Variants in ANKRD11 observed in about 807,000 individuals in gnomAD.
ANKRD11 encodes ankyrin repeat domain-containing protein 11.
Under a neutral mutation model 195.7 loss-of-function variants are expected in ANKRD11, and 17 were observed. The observed-to-expected ratio is 0.09, with a 90% CI of 0.06 to 0.13. The LOEUF is 0.13. Among genes scored for constraint, ANKRD11 ranks in the 10% least tolerant of loss-of-function variants. ANKRD11 has a pLI of 1.00. For missense variants in ANKRD11, 3,735 were observed against 3,566.1 expected, an observed-to-expected ratio of 1.05 and a Z score of -1.21; for synonymous variants, 1,953 against 1,528.1, an observed-to-expected ratio of 1.28 and a Z score of -6.49.
At chr16:89,363,999 G>A (rs1311504780) in intron 2 of ANKRD11, among the ~76,000 whole-genome samples, 1 of 152,064 alleles carries the variant, frequency 6.6e-6, no homozygotes, top group African/African-American at 2.4e-5. Context: ...GTTGGAGGGT[G>A]TGGTGAGCTA....
intron 2 of ANKRD11, among the ~76,000 whole-genome samples, chr16:89,383,397 C>T (rs1182704771): frequency 6.6e-6 from 1 of 152,206 alleles, no homozygotes; most frequent in Non-Finnish European, 1.5e-5. Flanking sequence ...GAGATCTGTG[C>T]CATGGCTGTC....
chr16:89,313,276 C>G, intron 3 of ANKRD11: 1 of 1,276,596 alleles, frequency 7.8e-7, no homozygotes, highest in South Asian at 1.2e-5. Context: ...ACAGGGGACC[C>G]ATGGGGTGGG....
chr16:89,348,787 T>A (rs2039060215), intron 2 of ANKRD11, among the ~76,000 whole-genome samples: 1 of 151,910 alleles, frequency 6.6e-6, no homozygotes, highest in South Asian at 2.1e-4. Flanking sequence ...CACAGCAATG[T>A]CCCTTTTCTC....
At chr16:89,410,040 G>A (rs1221807001) in intron 2 of ANKRD11, among the ~76,000 whole-genome samples, 1 of 152,008 alleles carries the variant, frequency 6.6e-6, no homozygotes, top group African/African-American at 2.4e-5. Flanking sequence ...GGGTTTTCAC[G>A]GTGTGAGCCA....
chr16:89,290,338 C>CATT (rs2034963701), intron 6 of ANKRD11, among the ~76,000 whole-genome samples: 1 of 43,882 alleles, frequency 2.3e-5, no homozygotes, highest in Non-Finnish European at 4.5e-5. Context: ...AGGGCTCCAG[C>CATT]GGGGGAGGCT....
Position 89,284,201 on chromosome 16 carries a change from C to A in ANKRD11, c.2341G>T (p.Asp781Tyr). The A allele has an allele frequency of 1.2e-6, 2 of 1,611,172 alleles. No homozygotes were observed. The highest frequency in any genetic ancestry group is 1.1e-5 in the South Asian group (1 of 89,782). The change falls in exon 9 of 13, where the codon GAT becomes TAT. Residue 781 changes from aspartate (D) to tyrosine (Y), a missense_variant. Transcript: ENST00000301030. ...DRPSKLEKKN[D>Y]LKEDKISKEK... is the part of the protein sequence containing the mutation. ...TTTGAAATTTTGTCCTCTTTTAAAT[C>A]ATTCTTCTTCTCTAATTTTGAGGGC...
intron 2 of ANKRD11, among the ~76,000 whole-genome samples, chr16:89,384,427 G>T (rs942514719): frequency 6.6e-6 from 1 of 151,942 alleles, no homozygotes; most frequent in African/African-American, 2.4e-5. Flanking sequence ...GCTATGTGGG[G>T]GGCTGAGGCA....
chr16:89,346,825 G>A (rs2042258590), intron 2 of ANKRD11, among the ~76,000 whole-genome samples: 1 of 152,062 alleles, frequency 6.6e-6, no homozygotes, highest in African/African-American at 2.4e-5. Context: ...AAGAATAGAA[G>A]AAAAACATGA....
At chr16:89,302,900 G>A (rs1218458341) in intron 4 of ANKRD11, among the ~76,000 whole-genome samples, 1 of 152,156 alleles carries the variant, frequency 6.6e-6, no homozygotes, top group East Asian at 1.9e-4. Flanking sequence ...CAGGGCTGTG[G>A]CAGAAAATAT....
intron 1 of ANKRD11, among the ~76,000 whole-genome samples, chr16:89,429,091 TCTCAACTCTCACGCTCAGACG>T: frequency 6.6e-6 from 1 of 151,848 alleles, no homozygotes; most frequent in Non-Finnish European, 1.5e-5. Context: ...AGCGTGGGAT[TCTCAACTCTCACGCTCAGACG>T]TTCTAGTACA....
chr16:89,316,898 G>A (rs747428056), intron 3 of ANKRD11, 35 bp downstream of exon 3: 22 of 1,605,582 alleles, frequency 1.4e-5, no homozygotes, highest in East Asian at 4.5e-5. Flanking sequence ...ATCTGGGTGC[G>A]GTGAGCATGC....
intron 2 of ANKRD11, among the ~76,000 whole-genome samples, chr16:89,365,432 A>G (rs1450948397): frequency 6.6e-6 from 1 of 152,218 alleles, no homozygotes; most frequent in African/African-American, 2.4e-5. Flanking sequence ...GAGCCCAACC[A>G]GGGTGCAGGG....
intron 1 of ANKRD11, among the ~76,000 whole-genome samples, chr16:89,480,238 AGG>A (rs766910188): frequency 1.3e-3 from 195 of 152,240 alleles, no homozygotes; most frequent in Non-Finnish European, 2.0e-3. Context: ...GCACTTTGAG[AGG>A]CCAAGGCGGG....
chr16:89,349,710 C>G (rs1241535518), intron 2 of ANKRD11, among the ~76,000 whole-genome samples: 1 of 152,084 alleles, frequency 6.6e-6, no homozygotes, highest in Non-Finnish European at 1.5e-5. Flanking sequence ...AAAACTTGCT[C>G]TACGATGCTG....
At chr16:89,486,639 C>T (rs2057623912) in intron 1 of ANKRD11, among the ~76,000 whole-genome samples, 1 of 152,072 alleles carries the variant, frequency 6.6e-6, no homozygotes, top group African/African-American at 2.4e-5. Context: ...TGACTGGAAG[C>T]TTGGGGCAGG....
In ANKRD11 at chr16:89,385,708, T is replaced by C. The variant is rs147049899; in HGVS notation, c.-60+32576A>G. ...TTTAGGTACAGTCCATCACGTACAGTCTGCAAAGAAAACCCCACTCAGCAC... is the reference window on the plus strand; with the variant it reads ...TTTAGGTACAGTCCATCACGTACAGCCTGCAAAGAAAACCCCACTCAGCAC... On this transcript the variant is annotated intron_variant, in intron 2 of 12. Transcript: ENST00000301030. Among the ~76,000 whole-genome samples, 274 of 152,330 alleles carry C rather than the reference T, an allele frequency of 1.8e-3. 1 individual carries two copies. The highest frequency in any genetic ancestry group is 5.9e-3 in the African/African-American group (245 of 41,580).
At position 89,284,056 on chromosome 16, in the gene ANKRD11, G is replaced by C. The variant is rs141807995; in HGVS notation, c.2486C>G (p.Thr829Ser). 1.2e-6 allele frequency: 2 copies of C among 1,613,992 alleles called. No homozygotes were observed. Among genetic ancestry groups the C allele is most frequent in the African/African-American group, 2.7e-5 (2 of 74,916 alleles). ...NKNQFLENED[T>S]KFSLSDDQRD... ...CTGATCGTCAGAAAGGCTAAATTTGGTGTCTTCATTCTCCAGAAACTGATT... is the reference window on the plus strand; with the variant it reads ...CTGATCGTCAGAAAGGCTAAATTTGCTGTCTTCATTCTCCAGAAACTGATT... The change falls in exon 9 of 13, where the codon ACC becomes AGC. Residue 829 changes from threonine (T) to serine (S), a missense_variant. Coordinates refer to ENST00000301030, the MANE Select transcript of ANKRD11 (RefSeq NM_013275.6).
chr16:89,288,720 TC>T, intron 6 of ANKRD11, 50 bp from the exon 7 acceptor site: 1 of 1,613,112 alleles, frequency 6.2e-7, no homozygotes, highest in East Asian at 2.2e-5. Flanking sequence ...AGAACTTCCC[TC>T]CTGTCTCTGG....
chr16:89,466,130 C>T (rs1374692098), intron 1 of ANKRD11, among the ~76,000 whole-genome samples: 1 of 152,128 alleles, frequency 6.6e-6, no homozygotes, highest in Non-Finnish European at 1.5e-5. Flanking sequence ...CTGCACTGGC[C>T]GTGGGCTCAG....
Sources: gnomAD v4.1 joint callset for allele counts (sites outside exome capture counted in the v4.1 genomes callset) on GRCh38, gnomAD v4.1.1 for gene constraint, MANE v1.5 for transcripts, NCBI Gene and HGNC (gene_info 2026-07-23, HGNC 2026-07-21) for gene names.